The following MIGA1 variants were observed in gnomAD, a reference collection of about 807,000 sequenced individuals.
The protein encoded by MIGA1 is mitoguardin 1.
MIGA1 carries 58 observed loss-of-function variants against 82.0 expected under a neutral mutation model. The ratio of observed to expected loss-of-function variants is 0.71; its 90% confidence interval spans 0.57 to 0.88. The LOEUF (loss-of-function observed/expected upper bound fraction) is 0.88. Ranked by LOEUF, MIGA1 falls within the 40% of genes least tolerant of loss-of-function variation. The pLI, the probability that MIGA1 is intolerant of heterozygous loss-of-function variation, is 0.00. For missense variants in MIGA1, 751 were observed against 749.1 expected, an observed-to-expected ratio of 1.00 and a Z score of -0.03; for synonymous variants, 249 against 253.6, an observed-to-expected ratio of 0.98 and a Z score of 0.17.
rs573004501 is a variant in MIGA1 at position 77,780,435 on chromosome 1, G to C, written c.81+699G>C. On this transcript the variant is annotated intron_variant, in intron 1 of 15. Coordinates refer to ENST00000370791, the MANE Select transcript of MIGA1 (RefSeq NM_198549.4). ...TTATTATTGTTGTTTTATTGTTGTTGTTATTGCAGCTAAACATGTTTGCTC... is the reference window on the plus strand; with the variant it reads ...TTATTATTGTTGTTTTATTGTTGTTCTTATTGCAGCTAAACATGTTTGCTC... Among the ~76,000 whole-genome samples the C allele has an allele frequency of 1.1e-3, 164 of 152,296 alleles. 2 individuals carry two copies. Among genetic ancestry groups the C allele is most frequent in the African/African-American group, 3.7e-3 (154 of 41,566 alleles).
intron 13 of MIGA1, among the ~76,000 whole-genome samples, chr1:77,865,430 A>G (rs1048386717): frequency 7.9e-5 from 12 of 152,120 alleles, no homozygotes; most frequent in African/African-American, 2.9e-4. Context: ...GTCTCTATAA[A>G]AAAAATACAA....
intron 8 of MIGA1, among the ~76,000 whole-genome samples, chr1:77,850,928 G>A (rs560131714): frequency 6.6e-6 from 1 of 152,006 alleles, no homozygotes; most frequent in African/African-American, 2.4e-5. Context: ...GGAGTGCAAT[G>A]GCACGATCTT....
At chr1:77,821,647 G>A (rs964313455) in intron 7 of MIGA1, among the ~76,000 whole-genome samples, 7 of 151,962 alleles carry the variant, frequency 4.6e-5, no homozygotes, top group African/African-American at 1.5e-4. Context: ...GCCCGCCTCC[G>A]CCCCCCAAAG....
intron 7 of MIGA1, among the ~76,000 whole-genome samples, chr1:77,823,339 A>G (rs1683902739): frequency 6.6e-6 from 1 of 152,202 alleles, no homozygotes; most frequent in South Asian, 2.1e-4. Flanking sequence ...TGGTTCTAAC[A>G]CTGGATATGG....
chr1:77,821,550 C>G (rs1683808738), intron 7 of MIGA1, among the ~76,000 whole-genome samples: 1 of 151,990 alleles, frequency 6.6e-6, no homozygotes, highest in Non-Finnish European at 1.5e-5. Context: ...CATGCACCAC[C>G]ATGCCTGGCT....
intron 2 of MIGA1, among the ~76,000 whole-genome samples, chr1:77,796,748 T>A (rs1682674121): frequency 6.6e-6 from 1 of 152,226 alleles, no homozygotes; most frequent in Admixed American, 6.5e-5. Flanking sequence ...CAAAGTTTGA[T>A]TTACTTTTCA....
intron 14 of MIGA1, among the ~76,000 whole-genome samples, chr1:77,872,390 C>A (rs1208022324): frequency 6.6e-6 from 1 of 152,062 alleles, no homozygotes; most frequent in African/African-American, 2.4e-5. Flanking sequence ...TGCTTGAGCC[C>A]AGGAGTTCAA....
intron 11 of MIGA1, chr1:77,861,005 T>C (rs1464720788): frequency 6.5e-6 from 3 of 461,350 alleles, no homozygotes; most frequent in Non-Finnish European, 1.1e-5. Context: ...GAGTAATAAA[T>C]AGTTTGCTTG....
chr1:77,816,630 G>A (rs1359567595), intron 7 of MIGA1, among the ~76,000 whole-genome samples: 1 of 152,118 alleles, frequency 6.6e-6, no homozygotes, highest in Non-Finnish European at 1.5e-5. Flanking sequence ...AGACTTGAGT[G>A]TTTTTTAATA....
chr1:77,848,575 G>A, intron 8 of MIGA1: 1 of 1,362,466 alleles, frequency 7.3e-7, no homozygotes, highest in Non-Finnish European at 1.0e-6. Context: ...AAAAGACAAA[G>A]AAGGAAACCA....
intron 7 of MIGA1, among the ~76,000 whole-genome samples, chr1:77,839,992 C>T (rs1158911854): frequency 6.6e-6 from 1 of 152,168 alleles, no homozygotes; most frequent in Non-Finnish European, 1.5e-5. Flanking sequence ...TTCAGCCTCC[C>T]AAAGTGCTGG....
rs979707435 is a variant in MIGA1, at chr1:77,814,014, T to A, written c.771+147T>A. On this transcript the variant is annotated intron_variant, in intron 6 of 15. Transcript: ENST00000370791. The stretch of plus-strand genomic sequence containing the variant: ...CAAGCGATCTTCCCGCCTTGTCCTC[T>A]GAGTAATTAGGACTATAGGGATGCA... The A allele has an allele frequency of 6.5e-6, 5 of 767,078 alleles. No homozygotes were observed. In the Admixed American group the frequency reaches 8.4e-5, roughly 13 times the overall value. The allele number at this position is 767,078 out of a possible 1,614,324, so 47.5% of individuals were successfully genotyped here. A position where few individuals can be genotyped will look rare whatever the true frequency, so the allele number is the denominator to read the frequency against.
At chr1:77,782,924 A>T (rs914068716) in intron 1 of MIGA1, 3 of 933,978 alleles carry the variant, frequency 3.2e-6, no homozygotes. Context: ...TTAAATTTTT[A>T]TGTAACCAGA....
intron 2 of MIGA1, among the ~76,000 whole-genome samples, chr1:77,796,918 T>G (rs1175131746): frequency 6.6e-6 from 1 of 152,192 alleles, no homozygotes; most frequent in Non-Finnish European, 1.5e-5. Context: ...AACAGAACAG[T>G]TCTTCATCCC....
intron 13 of MIGA1, among the ~76,000 whole-genome samples, chr1:77,865,801 T>A (rs1685641712): frequency 6.6e-6 from 1 of 152,030 alleles, no homozygotes; most frequent in Non-Finnish European, 1.5e-5. Flanking sequence ...TTACTTTTTT[T>A]TTTTTGCCCT....
chr1:77,866,542 G>A lies in MIGA1; in HGVS notation c.1563+151G>A, dbSNP rs1571017257. On this transcript the variant is annotated intron_variant, in intron 14 of 15. Coordinates refer to ENST00000370791, the MANE Select transcript of MIGA1 (RefSeq NM_198549.4). ...GCTAGATGAGTGACTTACTGGTAGT[G>A]GGTTGGCTTCTTTTTTGAAGGCCTT... The A allele has an allele frequency of 5.8e-6, 4 of 685,434 alleles. No individual in the cohort carries two copies. The East Asian group carries it at 1.1e-4, about 18-fold the overall frequency. 42.5% of individuals were successfully genotyped at this position (685,434 alleles called of 1,614,324 possible).
chr1:77,780,721 C>T (rs571258613), intron 1 of MIGA1, among the ~76,000 whole-genome samples: 1 of 151,758 alleles, frequency 6.6e-6, no homozygotes, highest in South Asian at 2.1e-4. Context: ...CATGAAACCC[C>T]CTTCATGTTT....
intron 10 of MIGA1, 186 bp from the exon 11 acceptor site, chr1:77,859,854 T>A (rs936726621): frequency 4.1e-6 from 2 of 485,104 alleles, no homozygotes; most frequent in Non-Finnish European, 7.2e-6. Flanking sequence ...TTTAATCTTT[T>A]TTTGACTATA....
Position 77,850,757 on chromosome 1 carries a change from T to A in MIGA1, c.996+7350T>A, listed in dbSNP as rs140465094. Among the ~76,000 whole-genome samples the A allele has an allele frequency of 5.1e-3, 776 of 152,346 alleles. 2 individuals are homozygous for A. Among genetic ancestry groups the A allele is most frequent in the Non-Finnish European group, 9.3e-3 (630 of 68,040 alleles). Reference sequence around the variant, plus strand: ...TAGGATGTTTGAAATCTTTAGCTAATCCCCAAACACAGTTTTCACTGGTTG... The same window carrying A: ...TAGGATGTTTGAAATCTTTAGCTAAACCCCAAACACAGTTTTCACTGGTTG... On this transcript the variant is annotated intron_variant, in intron 8 of 15. Transcript: ENST00000370791.
Sources: allele counts gnomAD v4.1 joint callset (sites outside exome capture counted in the v4.1 genomes callset), GRCh38; gene constraint gnomAD v4.1.1; transcripts MANE v1.5; gene names NCBI Gene and HGNC (gene_info 2026-07-23, HGNC 2026-07-21).